Variants in TBCE observed in about 807,000 individuals in gnomAD.
TBCE encodes the protein tubulin-specific chaperone E.
Under a neutral mutation model 77.0 loss-of-function variants are expected in TBCE, and 53 were observed. The observed-to-expected ratio is 0.69, with a 90% CI of 0.55 to 0.87. The LOEUF (loss-of-function observed/expected upper bound fraction) is 0.87. Among genes scored for constraint, TBCE ranks in the 40% least tolerant of loss-of-function variants. The pLI, the probability that TBCE is intolerant of heterozygous loss-of-function variation, is 0.00. For missense variants in TBCE, 624 were observed against 622.4 expected, an observed-to-expected ratio of 1.00 and a Z score of -0.03; for synonymous variants, 235 against 241.3, an observed-to-expected ratio of 0.97 and a Z score of 0.24.
At chr1:235,411,621 AC>A in intron 3 of TBCE, among the ~76,000 whole-genome samples, 1 of 152,270 alleles carries the variant, frequency 6.6e-6, no homozygotes, top group African/African-American at 2.4e-5. Context: ...AAGAATGGCT[AC>A]TCCATAGGCA....
At position 235,369,338 on chromosome 1, in the gene TBCE, C is replaced by T. The variant is rs1360766740; in HGVS notation, c.-32+1834C>T. ...CCTGGCCAACATGGTGAAACCCCGTCTCTACTAAAAATACAAAAATTAGCC... is the reference window on the plus strand; with the variant it reads ...CCTGGCCAACATGGTGAAACCCCGTTTCTACTAAAAATACAAAAATTAGCC... On this transcript the variant is annotated intron_variant, in intron 1 of 16. Transcript: ENST00000642610. Among the ~76,000 whole-genome samples, 3 of 151,188 alleles carry T rather than the reference C, an allele frequency of 2.0e-5. No individual in the cohort carries two copies. The South Asian group carries it at 6.3e-4, about 32-fold the overall frequency.
At chr1:235,434,138 C>T in intron 7 of TBCE, 66 bp from the exon 8 acceptor site, 1 of 1,428,328 alleles carries the variant, frequency 7.0e-7, no homozygotes, top group South Asian at 1.1e-5. Context: ...GTGGTGGTTC[C>T]TATGAACACC....
chr1:235,380,116 G>C lies in TBCE; in HGVS notation c.67G>C (p.Val23Leu), dbSNP rs1345503431. The C allele has an allele frequency of 6.2e-7, 1 of 1,613,158 alleles. No individual in the cohort carries two copies. The highest frequency in any genetic ancestry group is 1.7e-5 in the Admixed American group (1 of 59,864). Residue 23 changes from valine (V) to leucine (L), a missense_variant, in exon 2 of 17, where the codon GTA (valine) becomes CTA (leucine). Val to Leu is a conservative substitution (Grantham distance 32, BLOSUM62 1). Coordinates refer to ENST00000642610, the MANE Select transcript of TBCE (RefSeq NM_003193.5). ...RVEVNGEHAT[V>L]RFAGVVPPVA... ...TGAAGTTAATGGAGAACATGCAACA[G>C]TACGTTTTGCTGGTGTTGTCCCTCC...
chr1:235,403,394 A>T (rs1679239218), intron 3 of TBCE, among the ~76,000 whole-genome samples: 1 of 152,016 alleles, frequency 6.6e-6, no homozygotes, highest in Non-Finnish European at 1.5e-5. Context: ...TTTTTAGTAG[A>T]GACGGGGATT....
chr1:235,427,213 C>T lies in TBCE; in HGVS notation c.534C>T (p.Leu178=). ...AAGTGATACACATTGCTGATCAGCTCAGACACCTGGAAGTCCTTAATGTCA... is the reference window on the plus strand; with the variant it reads ...AAGTGATACACATTGCTGATCAGCTTAGACACCTGGAAGTCCTTAATGTCA... ...WDEVIHIADQ[L]RHLEVLNVSE... is the part of the protein sequence containing the mutation. The change falls in exon 6 of 17, where the codon CTC becomes CTT. Residue 178 remains leucine (L), a synonymous_variant. Transcript: ENST00000642610. 6.2e-7 allele frequency: 1 copy of T among 1,613,820 alleles called. No homozygotes were observed. The highest frequency in any genetic ancestry group is 8.5e-7 in the Non-Finnish European group (1 of 1,179,828).
rs1385778395 is a variant in TBCE at position 235,394,429 on chromosome 1, T to C, written c.101-7074T>C. ...ATTTTTGATAATTTCTTTTTTTTTT[T>C]TTTTTTTTTTTTTTGAGACAGGTTG... On this transcript the variant is annotated intron_variant, in intron 2 of 16. Coordinates refer to ENST00000642610, the MANE Select transcript of TBCE (RefSeq NM_003193.5). Among the ~76,000 whole-genome samples the C allele has an allele frequency of 4.7e-3, 653 of 138,094 alleles. 9 individuals are homozygous for C. Among genetic ancestry groups the C allele is most frequent in the African/African-American group, 0.017 (610 of 36,616 alleles). 90.6% of individuals were successfully genotyped at this position (138,094 alleles called of 152,430 possible). A position where few individuals can be genotyped will look rare whatever the true frequency, so the allele number is the denominator to read the frequency against.
At chr1:235,437,231 T>C (rs1370346567) in intron 11 of TBCE, 91 bp from the exon 12 acceptor site, 3 of 1,515,274 alleles carry the variant, frequency 2.0e-6, no homozygotes, top group Admixed American at 1.7e-5. Context: ...AGATTAGAAC[T>C]AGGGACATGC....
chr1:235,449,667 C>T lies in TBCE; in HGVS notation c.*905C>T, dbSNP rs1682771700. 1 of 152,550 alleles carries T rather than the reference C, an allele frequency of 6.6e-6. No individual in the cohort carries two copies. The allele number at this position is 152,550 out of a possible 1,614,324, so 9.4% of individuals were successfully genotyped here. A position where few individuals can be genotyped will look rare whatever the true frequency, so the allele number is the denominator to read the frequency against. On this transcript the variant is annotated 3_prime_UTR_variant, in exon 17 of 17. Transcript: ENST00000642610. ...AGTTCAAGTTGCCCACTTCAGAGATCCACAAAATCTGACATTATTTCCAGA... is the reference window on the plus strand; with the variant it reads ...AGTTCAAGTTGCCCACTTCAGAGATTCACAAAATCTGACATTATTTCCAGA...
At chr1:235,432,828 C>G in intron 7 of TBCE, 1 of 380,078 alleles carries the variant, frequency 2.6e-6, no homozygotes, top group Non-Finnish European at 3.7e-6. Flanking sequence ...TCAAGACCCA[C>G]CTAGGCAACA....
chr1:235,434,323 T>G, intron 8 of TBCE, 43 bp downstream of exon 8: 3 of 1,486,434 alleles, frequency 2.0e-6, no homozygotes, highest in Non-Finnish European at 1.9e-6. Flanking sequence ...CATTTAATCA[T>G]CATTCTGAGT....
intron 1 of TBCE, among the ~76,000 whole-genome samples, chr1:235,372,504 G>T (rs1677029883): frequency 6.6e-6 from 1 of 152,116 alleles, no homozygotes; most frequent in Admixed American, 6.6e-5. Flanking sequence ...ATGATTGGCT[G>T]GGTGCAGTGG....
intron 1 of TBCE, among the ~76,000 whole-genome samples, chr1:235,377,575 T>C (rs1449588300): frequency 2.6e-5 from 4 of 152,102 alleles, no homozygotes; most frequent in African/African-American, 9.7e-5. Context: ...GAGATTGAAA[T>C]GCTTAGATTA....
chr1:235,404,566 T>C (rs920619378), intron 3 of TBCE, among the ~76,000 whole-genome samples: 3 of 152,316 alleles, frequency 2.0e-5, no homozygotes, highest in Admixed American at 1.3e-4. Flanking sequence ...ACTGTAGACT[T>C]TGGAAACACT....
In TBCE at chr1:235,436,532, C is replaced by T. The variant is rs769367472; in HGVS notation, c.899-12C>T. ...TCACTTCTACTGTGTAACTTCATTC[C>T]TCTTTTTATAGGGTGCAAAACGTCC... On this transcript the variant is annotated splice_polypyrimidine_tract_variant and intron_variant, in intron 10 of 16. Coordinates refer to ENST00000642610, the MANE Select transcript of TBCE (RefSeq NM_003193.5). The T allele has an allele frequency of 6.2e-7, 1 of 1,613,674 alleles. No homozygotes were observed. The highest frequency in any genetic ancestry group is 1.1e-5 in the South Asian group (1 of 91,070).
At chr1:235,385,268 T>C (rs1050714132) in intron 2 of TBCE, among the ~76,000 whole-genome samples, 2 of 152,108 alleles carry the variant, frequency 1.3e-5, no homozygotes, top group African/African-American at 4.8e-5. Flanking sequence ...AGGTGTGGTG[T>C]GGTGCTGAAA....
At chr1:235,415,430 G>C (rs915334615) in intron 4 of TBCE, 8 of 152,204 alleles carry the variant, frequency 5.3e-5, no homozygotes, top group African/African-American at 1.9e-4. Context: ...CACAAAACCA[G>C]TCATGGCTGC....
intron 1 of TBCE, among the ~76,000 whole-genome samples, chr1:235,377,773 T>A (rs781502494): frequency 2.2e-4 from 34 of 151,888 alleles, no homozygotes; most frequent in Admixed American, 9.9e-4. Context: ...TGCCTCAGCC[T>A]CCTGAGTAGC....
At chr1:235,445,828 A>C (rs1454845895) in intron 15 of TBCE, among the ~76,000 whole-genome samples, 1 of 152,156 alleles carries the variant, frequency 6.6e-6, no homozygotes, top group Non-Finnish European at 1.5e-5. Context: ...TGTAATGGTA[A>C]AGATAGTAAG....
chr1:235,389,722 C>T (rs954984977), intron 2 of TBCE, among the ~76,000 whole-genome samples: 3 of 152,202 alleles, frequency 2.0e-5, no homozygotes, highest in Non-Finnish European at 2.9e-5. Flanking sequence ...GGTTACTTCA[C>T]TGGATGTTGT....
Sources: allele counts gnomAD v4.1 joint callset (sites outside exome capture counted in the v4.1 genomes callset), GRCh38; gene constraint gnomAD v4.1.1; transcripts MANE v1.5; gene names NCBI Gene and HGNC (gene_info 2026-07-23, HGNC 2026-07-21).